Variants in CFDP1 observed in about 807,000 individuals in gnomAD.
The protein encoded by CFDP1 is chromatin remodeling protein CFDP1.
A neutral mutation model predicts 40.1 loss-of-function variants in CFDP1; 31 were observed. That is an observed-to-expected ratio of 0.77 (90% confidence interval 0.58 to 1.04). The LOEUF (loss-of-function observed/expected upper bound fraction) is 1.04. CFDP1 is among the 50% of genes least tolerant of loss of function. The pLI, the probability that CFDP1 is intolerant of heterozygous loss-of-function variation, is 0.00. For synonymous variants in CFDP1, 167 were observed against 120.0 expected (o/e 1.39, Z -2.56); for missense variants, 423 against 343.4 (o/e 1.23, Z -1.83).
chr16:75,313,300 A>G (rs2078306147), intron 5 of CFDP1, among the ~76,000 whole-genome samples: 2 of 152,156 alleles, frequency 1.3e-5, no homozygotes, highest in Non-Finnish European at 2.9e-5. Flanking sequence ...GGAAGATGTA[A>G]AAGAACTTGT....
chr16:75,390,555 A>T (rs998250541), intron 5 of CFDP1, among the ~76,000 whole-genome samples: 2 of 151,768 alleles, frequency 1.3e-5, no homozygotes, highest in East Asian at 3.9e-4. Context: ...GGAGTTGAGC[A>T]CTCTCTCTCT....
chr16:75,412,636 C>A lies in CFDP1; in HGVS notation c.301G>T (p.Gly101Ter), dbSNP rs767175579. 1 of 1,614,100 alleles carries A rather than the reference C, an allele frequency of 6.2e-7. No individual in the cohort carries two copies. The highest frequency in any genetic ancestry group is 8.5e-7 in the Non-Finnish European group (1 of 1,180,008). The change falls in exon 3 of 7, where the codon GGA becomes TGA. Residue 101 changes from glycine (G) to a stop codon, truncating the protein, a stop_gained. Transcript: ENST00000283882. LOFTEE classifies it high-confidence loss of function. ...DDAAEQEKGI[G>*]SEDARKKKED... is the part of the protein sequence containing the mutation. ...TTCTTTTTCCTGGCATCCTCTGATC[C>A]AATGCCTTTTTCCTGCTCTGCAGCG...
intron 4 of CFDP1, among the ~76,000 whole-genome samples, chr16:75,400,733 T>A (rs575809116): frequency 6.6e-6 from 1 of 152,330 alleles, no homozygotes; most frequent in Admixed American, 6.5e-5. Flanking sequence ...GAAGCCTAGG[T>A]GTTCTGTACA....
intron 5 of CFDP1, among the ~76,000 whole-genome samples, chr16:75,325,684 A>T (rs1261337770): frequency 1.3e-5 from 2 of 152,246 alleles, no homozygotes; most frequent in Admixed American, 1.3e-4. Context: ...CTTGGTAGGC[A>T]CTCAAAAAAT....
At chr16:75,429,191 T>C (rs765057366) in intron 1 of CFDP1, among the ~76,000 whole-genome samples, 6 of 152,148 alleles carry the variant, frequency 3.9e-5, no homozygotes, top group Admixed American at 6.5e-5. Flanking sequence ...ATCTTATACA[T>C]TGAGCAGAAA....
chr16:75,408,920 C>T (rs1014392078), intron 4 of CFDP1, among the ~76,000 whole-genome samples: 20 of 151,810 alleles, frequency 1.3e-4, no homozygotes, highest in Admixed American at 3.9e-4. Flanking sequence ...TGCAGTGGTA[C>T]GATCTCGGCT....
intron 5 of CFDP1, among the ~76,000 whole-genome samples, chr16:75,366,608 G>C (rs1394968581): frequency 6.6e-6 from 1 of 152,100 alleles, no homozygotes; most frequent in Non-Finnish European, 1.5e-5. Flanking sequence ...GGAGTGGATA[G>C]AGTGAGTGCG....
rs370672805 is a variant in CFDP1, at chr16:75,364,012, G to C, written c.650+31078C>G. Among the ~76,000 whole-genome samples, 30 of 148,408 alleles carry C rather than the reference G, an allele frequency of 2.0e-4. No homozygotes were observed. The East Asian group carries it at 4.5e-3, about 22-fold the overall frequency. ...AAATTGAGGTAAGTGCTACAGAAAAGAATTAGGGGCTGTGAAGGTTCATAC... is the reference window on the plus strand; with the variant it reads ...AAATTGAGGTAAGTGCTACAGAAAACAATTAGGGGCTGTGAAGGTTCATAC... On this transcript the variant is annotated intron_variant, in intron 5 of 6. Transcript: ENST00000283882.
chr16:75,422,724 A>C (rs1326613202), intron 1 of CFDP1, among the ~76,000 whole-genome samples: 2 of 151,954 alleles, frequency 1.3e-5, no homozygotes, highest in Non-Finnish European at 1.5e-5. Context: ...TGTGATCAAA[A>C]AAAAAACACG....
At chr16:75,384,965 T>A (rs2078882885) in intron 5 of CFDP1, among the ~76,000 whole-genome samples, 1 of 145,274 alleles carries the variant, frequency 6.9e-6, no homozygotes, top group Non-Finnish European at 1.5e-5. Context: ...AATACATATA[T>A]ATGTATACAA....
intron 5 of CFDP1, among the ~76,000 whole-genome samples, chr16:75,394,300 G>C (rs2078978218): frequency 1.3e-5 from 2 of 152,062 alleles, no homozygotes; most frequent in African/African-American, 4.8e-5. Context: ...CTCACATTTA[G>C]GTTAAGAAAA....
At position 75,414,611 on chromosome 16, in the gene CFDP1, C is replaced by T. The variant is rs1328298421; in HGVS notation, c.149G>A (p.Gly50Glu). 6.2e-7 allele frequency: 1 copy of T among 1,613,536 alleles called. No individual in the cohort carries two copies. Among genetic ancestry groups the T allele is most frequent in the East Asian group, 2.2e-5 (1 of 44,864 alleles). ...DGEEQTQKTQ[G>E]KKRKAQSIPA... ...AATGCTCTGGGCCTTTCTTTTTTTC[C>T]CTTGGGTTTTCTGTGTCTGCTCTTC... is the stretch of plus-strand genomic sequence containing the variant. The change falls in exon 2 of 7, where the codon GGG becomes GAG. Residue 50 changes from glycine (G) to glutamate (E), a missense_variant. By Grantham distance (98) the Gly-to-Glu change is moderately conservative. Transcript: ENST00000283882.
rs199686824 is a variant in CFDP1, at chr16:75,345,509, T to C, written c.651-40327A>G. On this transcript the variant is annotated intron_variant, in intron 5 of 6. Transcript: ENST00000283882. The stretch of plus-strand genomic sequence containing the variant: ...AAACATTATCTGGGCATGGTGGCTA[T>C]GCATCTGTAGTCCCAGCTACTTAAG... Among the ~76,000 whole-genome samples, 6 of 152,066 alleles carry C rather than the reference T, an allele frequency of 3.9e-5. No homozygotes were observed. The East Asian group carries it at 1.2e-3, about 29-fold the overall frequency.
chr16:75,393,735 CGCAAA>C (rs2078971814), intron 5 of CFDP1, among the ~76,000 whole-genome samples: 30 of 26,154 alleles, frequency 1.1e-3, no homozygotes, highest in African/African-American at 4.0e-3. Flanking sequence ...GAGACTCCGT[CGCAAA>C]AAAAAAAAAA....
intron 5 of CFDP1, among the ~76,000 whole-genome samples, chr16:75,382,646 G>A (rs1212552934): frequency 6.6e-6 from 1 of 152,220 alleles, no homozygotes; most frequent in Non-Finnish European, 1.5e-5. Context: ...TGGCTGAAAA[G>A]CAGACGTGAT....
At chr16:75,307,610 G>T (rs1365644634) in intron 5 of CFDP1, among the ~76,000 whole-genome samples, 1 of 152,232 alleles carries the variant, frequency 6.6e-6, no homozygotes, top group South Asian at 2.1e-4. Context: ...CCAGGCTAGA[G>T]TACACCAGTG....
At chr16:75,336,299 G>T (rs2078487245) in intron 5 of CFDP1, among the ~76,000 whole-genome samples, 1 of 152,186 alleles carries the variant, frequency 6.6e-6, no homozygotes, top group African/African-American at 2.4e-5. Context: ...CTAGATCCTG[G>T]CAGGCACAGG....
intron 5 of CFDP1, among the ~76,000 whole-genome samples, chr16:75,328,542 T>C (rs1597334337): frequency 7.8e-6 from 1 of 127,654 alleles, no homozygotes; most frequent in Admixed American, 9.3e-5. Context: ...GAGGGCGCAG[T>C]GAGCCAAGAT....
chr16:75,431,613 TGAGCCACAGAGC>T (rs2079418922), intron 1 of CFDP1, among the ~76,000 whole-genome samples: 1 of 152,058 alleles, frequency 6.6e-6, no homozygotes, highest in South Asian at 2.1e-4. Context: ...CACTCCAGCC[TGAGCCACAGAGC>T]GAGACACTGT....
Sources: gnomAD v4.1 joint callset for allele counts (sites outside exome capture counted in the v4.1 genomes callset) on GRCh38, gnomAD v4.1.1 for gene constraint, MANE v1.5 for transcripts, NCBI Gene and HGNC (gene_info 2026-07-23, HGNC 2026-07-21) for gene names.